The following MCTP1 variants were observed in gnomAD, a reference collection of about 807,000 sequenced individuals.
The protein encoded by MCTP1 is multiple C2 and transmembrane domain-containing protein 1.
Under a neutral mutation model 120.6 loss-of-function variants are expected in MCTP1, and 69 were observed. That is an observed-to-expected ratio of 0.57 (90% CI 0.47 to 0.70). The LOEUF is 0.70. Ranked by LOEUF, MCTP1 falls within the 30% of genes least tolerant of loss-of-function variation. MCTP1 has a pLI of 0.00. For missense variants in MCTP1, 1,203 were observed against 1,248.8 expected (o/e 0.96, Z 0.55); for synonymous variants, 529 against 493.1 (o/e 1.07, Z -0.96).
At chr5:94,869,022 A>G (rs1164654635) in intron 16 of MCTP1, among the ~76,000 whole-genome samples, 2 of 151,700 alleles carry the variant, frequency 1.3e-5, no homozygotes, top group African/African-American at 4.8e-5. Context: ...TTTAACCTAT[A>G]TTTTCTCATT....
chr5:95,201,982 T>C (rs1751111707), intron 1 of MCTP1, among the ~76,000 whole-genome samples: 1 of 152,168 alleles, frequency 6.6e-6, no homozygotes, highest in South Asian at 2.1e-4. Flanking sequence ...CTGTGATAAT[T>C]AATTTCAGAT....
chr5:94,825,758 C>T (rs1786900661), intron 17 of MCTP1, among the ~76,000 whole-genome samples: 4 of 151,718 alleles, frequency 2.6e-5, no homozygotes, highest in Admixed American at 6.6e-5. Context: ...TACATACATA[C>T]ATATACATAT....
At chr5:95,059,882 CT>C (rs1440441261) in intron 1 of MCTP1, among the ~76,000 whole-genome samples, 1 of 152,072 alleles carries the variant, frequency 6.6e-6, no homozygotes, top group African/African-American at 2.4e-5. Flanking sequence ...ACTATGTTTT[CT>C]AAGGCAAGGG....
intron 17 of MCTP1, among the ~76,000 whole-genome samples, chr5:94,861,216 G>A (rs1234096741): frequency 6.6e-6 from 1 of 151,830 alleles, no homozygotes; most frequent in Non-Finnish European, 1.5e-5. Context: ...AGCCTGCTGT[G>A]TCTATCCCAA....
At chr5:95,055,757 A>G (rs1049282316) in intron 1 of MCTP1, among the ~76,000 whole-genome samples, 1 of 152,204 alleles carries the variant, frequency 6.6e-6, no homozygotes, top group African/African-American at 2.4e-5. Flanking sequence ...TACAGGCTTA[A>G]TATCATTAGG....
rs776569524 is a variant in MCTP1 at position 94,708,617 on chromosome 5, A to G, written c.2831-8T>C. 18 of 1,556,456 alleles carry G rather than the reference A, an allele frequency of 1.2e-5. No individual in the cohort carries two copies. Among genetic ancestry groups the G allele is most frequent in the Admixed American group, 1.7e-5 (1 of 59,602 alleles). ...TTGTAAATTTATTGATGCCTGAAAC[A>G]AAGTTGGAGTTAAACAAAGCACATT... On this transcript the variant is annotated splice_polypyrimidine_tract_variant and splice_region_variant and intron_variant, in intron 21 of 22. Coordinates refer to ENST00000515393, the MANE Select transcript of MCTP1 (RefSeq NM_024717.7).
intron 3 of MCTP1, among the ~76,000 whole-genome samples, chr5:94,945,644 A>G (rs954918488): frequency 1.1e-4 from 17 of 152,178 alleles, no homozygotes; most frequent in Admixed American, 3.3e-4. Context: ...GTGGGGAGAG[A>G]CAGACAATAA....
chr5:95,184,169 A>G (rs75927821), intron 1 of MCTP1, among the ~76,000 whole-genome samples: 12,780 of 152,180 alleles, frequency 0.084, 762 homozygotes, highest in Middle Eastern at 0.15. Context: ...TAATAATAAA[A>G]AAAGGAGTTT....
At chr5:95,175,739 C>T (rs1412224282) in intron 1 of MCTP1, among the ~76,000 whole-genome samples, 3 of 152,142 alleles carry the variant, frequency 2.0e-5, no homozygotes, top group Non-Finnish European at 2.9e-5. Context: ...GTTTCCTCTA[C>T]GTAAACAAGG....
chr5:95,107,479 G>C (rs1396769516), intron 1 of MCTP1, among the ~76,000 whole-genome samples: 1 of 152,178 alleles, frequency 6.6e-6, no homozygotes, highest in African/African-American at 2.4e-5. Flanking sequence ...TTTTAAAGCA[G>C]ATCATACTAC....
rs766716025 is a variant in MCTP1, at chr5:95,192,865, G to A, written c.720+90991C>T. 8.2e-4 allele frequency among the ~76,000 whole-genome samples: 125 copies of A among 152,096 alleles called. 2 individuals are homozygous for A. The highest frequency in any genetic ancestry group is 6.8e-3 in the Middle Eastern group (2 of 294). ...ATTTCCTTCCTATTTTTCCATATCA[G>A]CAGGAACATTTCTTGAGGGAATAGA... is the stretch of plus-strand genomic sequence containing the variant. On this transcript the variant is annotated intron_variant, in intron 1 of 22. Coordinates refer to ENST00000515393, the MANE Select transcript of MCTP1 (RefSeq NM_024717.7).
intron 1 of MCTP1, among the ~76,000 whole-genome samples, chr5:95,261,119 C>A (rs1343203944): frequency 1.3e-5 from 2 of 152,152 alleles, no homozygotes; most frequent in African/African-American, 4.8e-5. Context: ...AATTTGTTCC[C>A]AGCCCTATTC....
At chr5:95,127,903 C>T (rs114942982) in intron 1 of MCTP1, among the ~76,000 whole-genome samples, 1,699 of 152,148 alleles carry the variant, frequency 0.011, 34 homozygotes, top group African/African-American at 0.038. Flanking sequence ...GAATGGGAGG[C>T]AGGGAGGAGA....
intron 19 of MCTP1, among the ~76,000 whole-genome samples, chr5:94,767,972 C>T (rs796145718): frequency 6.6e-6 from 1 of 152,110 alleles, no homozygotes; most frequent in South Asian, 2.1e-4. Context: ...AAGAACAAAG[C>T]TGAAGACATC....
At chr5:95,172,727 G>T (rs774970395) in intron 1 of MCTP1, among the ~76,000 whole-genome samples, 4 of 152,090 alleles carry the variant, frequency 2.6e-5, no homozygotes, top group African/African-American at 4.8e-5. Flanking sequence ...AATAAATTAA[G>T]GATCTGAGTG....
intron 2 of MCTP1, among the ~76,000 whole-genome samples, chr5:94,983,253 A>G (rs974573718): frequency 3.3e-5 from 5 of 152,156 alleles, no homozygotes; most frequent in African/African-American, 1.2e-4. Context: ...TAAGCAGAGA[A>G]CCTAACTATA....
At chr5:94,773,999 G>A (rs1774710415) in intron 19 of MCTP1, among the ~76,000 whole-genome samples, 1 of 40,314 alleles carries the variant, frequency 2.5e-5, no homozygotes, top group South Asian at 1.1e-3. Flanking sequence ...ACGAGGTCAG[G>A]AGATCGAGAC....
intron 1 of MCTP1, among the ~76,000 whole-genome samples, chr5:95,162,221 T>C (rs1745821222): frequency 6.6e-6 from 1 of 152,188 alleles, no homozygotes. Context: ...ACATAGAGAT[T>C]TATATCTACT....
intron 19 of MCTP1, among the ~76,000 whole-genome samples, chr5:94,727,201 C>T (rs1386618265): frequency 6.6e-6 from 1 of 152,190 alleles, no homozygotes; most frequent in Non-Finnish European, 1.5e-5. Flanking sequence ...AGGAGGTGGT[C>T]AGCAGGACCA....
Sources: allele counts gnomAD v4.1 joint callset (sites outside exome capture counted in the v4.1 genomes callset), GRCh38; gene constraint gnomAD v4.1.1; transcripts MANE v1.5; gene names NCBI Gene and HGNC (gene_info 2026-07-23, HGNC 2026-07-21).